Variants in NRXN1 observed in about 807,000 individuals in gnomAD.
NRXN1 encodes neurexin-1.
A neutral mutation model predicts 150.9 loss-of-function variants in NRXN1; 39 were observed. That is an observed-to-expected ratio of 0.26 (90% CI 0.20 to 0.34). The LOEUF (loss-of-function observed/expected upper bound fraction) is 0.34. Ranked by LOEUF, NRXN1 falls within the 10% of genes least tolerant of loss-of-function variation. NRXN1 has a pLI of 1.00. For missense variants in NRXN1, 1,815 were observed against 1,949.9 expected, an observed-to-expected ratio of 0.93 and a Z score of 1.30; for synonymous variants, 924 against 757.0, an observed-to-expected ratio of 1.22 and a Z score of -3.62.
chr2:49,991,230 A>G (rs1681891714), intron 21 of NRXN1, among the ~76,000 whole-genome samples: 1 of 152,084 alleles, frequency 6.6e-6, no homozygotes, highest in South Asian at 2.1e-4. Context: ...ATTACTAGCT[A>G]CTGCAATAAG....
At chr2:50,933,707 G>A in intron 2 of NRXN1, among the ~76,000 whole-genome samples, 1 of 152,034 alleles carries the variant, frequency 6.6e-6, no homozygotes, top group African/African-American at 2.4e-5. Flanking sequence ...TTGATTTACT[G>A]ATCCATAAAA....
chr2:50,596,323 T>C (rs374797450), intron 8 of NRXN1, among the ~76,000 whole-genome samples: 8 of 152,270 alleles, frequency 5.3e-5, no homozygotes, highest in African/African-American at 1.9e-4. Flanking sequence ...TCTTCTCTTT[T>C]ATAATAGTTG....
intron 17 of NRXN1, among the ~76,000 whole-genome samples, chr2:50,427,210 C>T (rs917860205): frequency 1.7e-4 from 26 of 152,040 alleles, no homozygotes; most frequent in African/African-American, 5.6e-4. Flanking sequence ...AGTTATAGGA[C>T]GATATCCAAA....
chr2:49,973,644 C>A (rs1206747212), intron 21 of NRXN1: 2 of 344,216 alleles, frequency 5.8e-6, no homozygotes, highest in South Asian at 3.9e-5. Context: ...CACACAGACA[C>A]AAGTTTTGGT....
intron 17 of NRXN1, among the ~76,000 whole-genome samples, chr2:50,344,015 C>T (rs2077742103): frequency 1.3e-5 from 2 of 152,134 alleles, no homozygotes; most frequent in African/African-American, 4.8e-5. Context: ...TTGTCATTAA[C>T]GTTTGTGCTT....
At chr2:50,269,161 G>C (rs2069258230) in intron 17 of NRXN1, among the ~76,000 whole-genome samples, 2 of 152,188 alleles carry the variant, frequency 1.3e-5, no homozygotes, top group African/African-American at 4.8e-5. Flanking sequence ...GCAAGAATCT[G>C]TTGTGGGCTC....
intron 5 of NRXN1, among the ~76,000 whole-genome samples, chr2:50,734,152 A>G (rs1698437513): frequency 6.6e-6 from 1 of 152,164 alleles, no homozygotes; most frequent in African/African-American, 2.4e-5. Context: ...CCATCCTATA[A>G]GACAAAGGAC....
chr2:50,777,467 C>T lies in NRXN1; in HGVS notation c.832+144402G>A, dbSNP rs541023146. 4.6e-5 allele frequency among the ~76,000 whole-genome samples: 7 copies of T among 152,238 alleles called. No homozygotes were observed. The South Asian group carries it at 1.2e-3, about 27-fold the overall frequency. The stretch of plus-strand genomic sequence containing the variant: ...GGTTGAAACTACAAGCTCCTAATAA[C>T]ATTTAACAATCAGAATTGCTTTGGA... On this transcript the variant is annotated intron_variant, in intron 5 of 22. Transcript: ENST00000401669.
chr2:50,468,696 C>T (rs1435128740), intron 16 of NRXN1, among the ~76,000 whole-genome samples: 2 of 151,200 alleles, frequency 1.3e-5, no homozygotes, highest in Non-Finnish European at 3.0e-5. Context: ...GTAAGGTAAA[C>T]TTGAGTTTGA....
chr2:50,619,624 G>A (rs1012264683), intron 8 of NRXN1: 2 of 319,998 alleles, frequency 6.3e-6, no homozygotes, highest in African/African-American at 2.1e-5. Flanking sequence ...TAGGCTAATT[G>A]CTTTTTCTTC....
intron 15 of NRXN1, among the ~76,000 whole-genome samples, chr2:50,479,200 C>G (rs185723565): frequency 6.6e-6 from 1 of 152,224 alleles, no homozygotes; most frequent in Non-Finnish European, 1.5e-5. Context: ...TCTATCTTCG[C>G]CCCACAGTCC....
intron 8 of NRXN1, among the ~76,000 whole-genome samples, chr2:50,582,906 T>C (rs1292743603): frequency 1.3e-5 from 2 of 152,182 alleles, no homozygotes; most frequent in African/African-American, 2.4e-5. Flanking sequence ...GCAAAAATTC[T>C]AATGTCTAAT....
chr2:49,987,327 T>G (rs1388854393), intron 21 of NRXN1, among the ~76,000 whole-genome samples: 1 of 152,156 alleles, frequency 6.6e-6, no homozygotes, highest in East Asian at 1.9e-4. Flanking sequence ...CTTACAACAC[T>G]CCTTTCCCCT....
intron 5 of NRXN1, among the ~76,000 whole-genome samples, chr2:50,893,389 C>T (rs1329839413): frequency 1.3e-5 from 2 of 151,998 alleles, no homozygotes; most frequent in African/African-American, 4.8e-5. Context: ...TATAATGAAA[C>T]ATTTGACATT....
intron 15 of NRXN1, among the ~76,000 whole-genome samples, chr2:50,481,640 C>T (rs1284801917): frequency 6.6e-6 from 1 of 151,962 alleles, no homozygotes; most frequent in Admixed American, 6.6e-5. Context: ...GGAGGGGCAA[C>T]CCCAAGAAGA....
intron 5 of NRXN1, among the ~76,000 whole-genome samples, chr2:50,659,717 T>G (rs1687015374): frequency 1.3e-5 from 2 of 151,618 alleles, no homozygotes. Context: ...CATATACATT[T>G]TAGCTTCCTT....
At chr2:50,577,646 T>A (rs1365136430) in intron 8 of NRXN1, among the ~76,000 whole-genome samples, 1 of 151,964 alleles carries the variant, frequency 6.6e-6, no homozygotes, top group Non-Finnish European at 1.5e-5. Flanking sequence ...ATCAACAACT[T>A]GGGACATATA....
intron 17 of NRXN1, among the ~76,000 whole-genome samples, chr2:50,428,251 G>A (rs1020519738): frequency 3.3e-5 from 5 of 151,926 alleles, no homozygotes; most frequent in Non-Finnish European, 5.9e-5. Flanking sequence ...CCGTCTCTAC[G>A]AAAAAATAAA....
At chr2:50,366,999 T>C (rs1005127257) in intron 17 of NRXN1, among the ~76,000 whole-genome samples, 2 of 151,992 alleles carry the variant, frequency 1.3e-5, no homozygotes, top group African/African-American at 2.4e-5. Context: ...AAAGGATGAT[T>C]ACTTAGATGG....
Sources: gnomAD v4.1 joint callset for allele counts (sites outside exome capture counted in the v4.1 genomes callset) on GRCh38, gnomAD v4.1.1 for gene constraint, MANE v1.5 for transcripts, NCBI Gene and HGNC (gene_info 2026-07-23, HGNC 2026-07-21) for gene names.